MAPK4: variants seen among roughly 807,000 people sequenced by gnomAD.
MAPK4 encodes mitogen-activated protein kinase 4.
A neutral mutation model predicts 47.7 loss-of-function variants in MAPK4; 22 were observed. That is an observed-to-expected ratio of 0.46 (90% CI 0.33 to 0.66). The LOEUF (loss-of-function observed/expected upper bound fraction) is 0.66, where lower values mean the gene tolerates loss of function less well. Among genes scored for constraint, MAPK4 ranks in the 30% least tolerant of loss-of-function variants. The probability of loss-of-function intolerance (pLI) is 0.02; values close to 1 mark genes in which losing one functional copy is unlikely to be tolerated. For synonymous variants in MAPK4, 390 were observed against 365.7 expected (o/e 1.07, Z -0.76); for missense variants, 736 against 831.7 (o/e 0.88, Z 1.42).
chr18:50,619,252 T>C (rs989471955), intron 1 of MAPK4, among the ~76,000 whole-genome samples: 17 of 152,232 alleles, frequency 1.1e-4, no homozygotes, highest in African/African-American at 3.6e-4. Flanking sequence ...CATGATTTGT[T>C]TTTCTGTGAA....
At chr18:50,612,102 A>G (rs937837355) in intron 1 of MAPK4, among the ~76,000 whole-genome samples, 15 of 152,268 alleles carry the variant, frequency 9.9e-5, no homozygotes, top group Non-Finnish European at 1.9e-4. Flanking sequence ...TCACCCTCCC[A>G]TTCTGACCTT....
At chr18:50,597,517 G>C (rs1056890814) in intron 1 of MAPK4, among the ~76,000 whole-genome samples, 4 of 152,196 alleles carry the variant, frequency 2.6e-5, no homozygotes, top group Non-Finnish European at 5.9e-5. Flanking sequence ...TAATTAACTA[G>C]AAAGTTCCAG....
chr18:50,685,362 A>T (rs980132419), intron 2 of MAPK4, among the ~76,000 whole-genome samples: 8 of 152,226 alleles, frequency 5.3e-5, no homozygotes, highest in African/African-American at 1.9e-4. Context: ...TCACTGTCCA[A>T]TGAGAGAGAA....
chr18:50,593,529 C>G (rs534600160), intron 1 of MAPK4, among the ~76,000 whole-genome samples: 1 of 152,166 alleles, frequency 6.6e-6, no homozygotes, highest in Non-Finnish European at 1.5e-5. Context: ...TGAAGTGGAA[C>G]GAATCCTAAA....
At chr18:50,619,689 C>A (rs1478146139) in intron 1 of MAPK4, among the ~76,000 whole-genome samples, 1 of 152,194 alleles carries the variant, frequency 6.6e-6, no homozygotes, top group Non-Finnish European at 1.5e-5. Context: ...TGATGACTGC[C>A]TCTTTGTTCC....
chr18:50,658,025 TGCCACAG>T (rs1227054066), intron 1 of MAPK4, among the ~76,000 whole-genome samples: 5 of 152,120 alleles, frequency 3.3e-5, no homozygotes, highest in Non-Finnish European at 7.4e-5. Context: ...CCAGTCCCTG[TGCCACAG>T]GCTCTAGCAT....
intron 1 of MAPK4, among the ~76,000 whole-genome samples, chr18:50,566,664 A>G (rs1370066075): frequency 1.3e-5 from 2 of 152,270 alleles, no homozygotes; most frequent in Non-Finnish European, 2.9e-5. Flanking sequence ...CACAGGCAGT[A>G]CTGAAACTAT....
rs541146083 is a variant in MAPK4, at chr18:50,612,315, G to A, written c.-870-50774G>A. 5.3e-5 allele frequency among the ~76,000 whole-genome samples: 8 copies of A among 152,238 alleles called. No homozygotes were observed. In the East Asian group the frequency reaches 5.8e-4, roughly 11 times the overall value. ...ATATTTTCCATTTCACAGCTAATTC[G>A]CTATAATCCATATATCCAGCCATGC... On this transcript the variant is annotated intron_variant, in intron 1 of 5. Transcript: ENST00000400384.
At chr18:50,658,712 C>T (rs2043137675) in intron 1 of MAPK4, among the ~76,000 whole-genome samples, 1 of 152,200 alleles carries the variant, frequency 6.6e-6, no homozygotes, top group South Asian at 2.1e-4. Context: ...TTTTGGAGAG[C>T]TGGGCCCTGA....
rs2042580357 is a variant in MAPK4 at position 50,606,029 on chromosome 18, C to A, written c.-871+45786C>A. Among the ~76,000 whole-genome samples, 8 of 141,694 alleles carry A rather than the reference C, an allele frequency of 5.6e-5. No homozygotes were observed. In the South Asian group the frequency reaches 1.8e-3, roughly 32 times the overall value. The allele number at this position is 141,694 out of a possible 152,430, so 93.0% of individuals were successfully genotyped here. On this transcript the variant is annotated intron_variant, in intron 1 of 5. Transcript: ENST00000400384. ...GGCTGCAGCAGAAAATAAGGGCTTA[C>A]ATTTCTCATGGAGTCAAAGAAAAAG...
intron 1 of MAPK4, among the ~76,000 whole-genome samples, chr18:50,561,612 G>T (rs1310602710): frequency 6.6e-6 from 1 of 152,106 alleles, no homozygotes; most frequent in Non-Finnish European, 1.5e-5. Context: ...GTACTTTTGG[G>T]GTACGGATAG....
intron 1 of MAPK4, among the ~76,000 whole-genome samples, chr18:50,648,244 C>A (rs2043010031): frequency 6.6e-6 from 1 of 152,042 alleles, no homozygotes; most frequent in South Asian, 2.1e-4. Flanking sequence ...TTGCTCCAGG[C>A]AAACAGAGAG....
At chr18:50,697,111 T>A (rs1909555321) in intron 2 of MAPK4, among the ~76,000 whole-genome samples, 1 of 152,160 alleles carries the variant, frequency 6.6e-6, no homozygotes, top group Admixed American at 6.5e-5. Flanking sequence ...AGGCCAGCAA[T>A]GAGTTTTAGC....
In MAPK4 at chr18:50,721,854, C is replaced by T. The variant is rs1910950808; in HGVS notation, c.692-84C>T. 2.8e-6 allele frequency: 4 copies of T among 1,428,796 alleles called. No homozygotes were observed. The East Asian group carries it at 9.4e-5, about 34-fold the overall frequency. The allele number at this position is 1,428,796 out of a possible 1,614,324, so 88.5% of individuals were successfully genotyped here. A position where few individuals can be genotyped will look rare whatever the true frequency, so the allele number is the denominator to read the frequency against. ...CCCCACTGCCCTGTGTTGTCCCTCC[C>T]AGAACACCTGGCACTGCTTTTGGGC... On this transcript the variant is annotated intron_variant, in intron 3 of 5. Transcript: ENST00000400384.
intron 1 of MAPK4, among the ~76,000 whole-genome samples, chr18:50,657,650 C>T (rs991315114): frequency 6.6e-6 from 1 of 151,868 alleles, no homozygotes; most frequent in African/African-American, 2.4e-5. Flanking sequence ...GATTTTGTGC[C>T]TCCCCGACAG....
At chr18:50,595,130 T>C (rs1053289390) in intron 1 of MAPK4, among the ~76,000 whole-genome samples, 2 of 152,206 alleles carry the variant, frequency 1.3e-5, no homozygotes, top group Non-Finnish European at 2.9e-5. Flanking sequence ...ACAATTATCT[T>C]AGAGAACTGT....
chr18:50,688,712 A>G (rs923201095), intron 2 of MAPK4, among the ~76,000 whole-genome samples: 3 of 152,090 alleles, frequency 2.0e-5, no homozygotes, highest in African/African-American at 7.2e-5. Flanking sequence ...TAAGAATGAT[A>G]CAACGGACAT....
At chr18:50,696,596 C>A (rs1166609206) in intron 2 of MAPK4, among the ~76,000 whole-genome samples, 4 of 152,216 alleles carry the variant, frequency 2.6e-5, no homozygotes, top group Non-Finnish European at 5.9e-5. Flanking sequence ...GAACGCAAAC[C>A]CAGAGAACCC....
chr18:50,671,829 G>T (rs1427293621), intron 2 of MAPK4, among the ~76,000 whole-genome samples: 1 of 150,868 alleles, frequency 6.6e-6, no homozygotes, highest in Non-Finnish European at 1.5e-5. Context: ...GTTCAAGGCT[G>T]CAGTGAGCTA....
Sources: allele counts gnomAD v4.1 joint callset (sites outside exome capture counted in the v4.1 genomes callset), GRCh38; gene constraint gnomAD v4.1.1; transcripts MANE v1.5; gene names NCBI Gene and HGNC (gene_info 2026-07-23, HGNC 2026-07-21).